RIMS2: variants seen among roughly 807,000 people sequenced by gnomAD.
The protein encoded by RIMS2 is regulating synaptic membrane exocytosis 2.
In RIMS2, 59 loss-of-function variants were observed where a neutral mutation model predicts 174.4. The observed-to-expected ratio is 0.34, with a 90% CI of 0.27 to 0.42. The LOEUF is 0.42. Ranked by LOEUF, RIMS2 falls within the 10% of genes least tolerant of loss-of-function variation. The pLI is 1.00. For synonymous variants in RIMS2, 606 were observed against 572.5 expected, an observed-to-expected ratio of 1.06 and a Z score of -0.84; for missense variants, 1,620 against 1,666.3, an observed-to-expected ratio of 0.97 and a Z score of 0.48.
chr8:104,036,674 C>T (rs960344895), intron 19 of RIMS2, among the ~76,000 whole-genome samples: 2 of 151,602 alleles, frequency 1.3e-5, no homozygotes, highest in African/African-American at 4.8e-5. Context: ...GTCAGGAGTT[C>T]GAGACCAGAC....
rs147394644 is a variant in RIMS2, at chr8:103,898,477, T to C, written c.1625-11657T>C. On this transcript the variant is annotated intron_variant, in intron 4 of 23. Transcript: ENST00000504942. The stretch of plus-strand genomic sequence containing the variant: ...TTAATTATTTAGGGAAGATGCAACA[T>C]CTGGCATGTTAACCTGAGATGGGGC... Among the ~76,000 whole-genome samples, 507 of 151,802 alleles carry C rather than the reference T, an allele frequency of 3.3e-3. 4 individuals are homozygous for C. In the Middle Eastern group the frequency reaches 0.099, roughly 30 times the overall value.
intron 19 of RIMS2, among the ~76,000 whole-genome samples, chr8:104,107,966 T>TTC (rs1555232622): frequency 9.1e-6 from 1 of 109,670 alleles, no homozygotes; most frequent in African/African-American, 3.3e-5. Flanking sequence ...GTCTTTCCCC[T>TTC]GCCCCCCCCC....
chr8:103,834,836 G>A (rs1275149005), intron 3 of RIMS2, among the ~76,000 whole-genome samples: 2 of 151,080 alleles, frequency 1.3e-5, no homozygotes, highest in Admixed American at 6.6e-5. Context: ...CTGCAGTGGC[G>A]CTGTCTCGGC....
intron 19 of RIMS2, among the ~76,000 whole-genome samples, chr8:104,104,003 G>C (rs958973721): frequency 1.3e-5 from 2 of 152,140 alleles, no homozygotes; most frequent in East Asian, 1.9e-4. Context: ...AAACCTACTA[G>C]AGTAAGAACC....
chr8:103,796,687 A>T (rs1253408662), intron 3 of RIMS2, among the ~76,000 whole-genome samples: 1 of 152,216 alleles, frequency 6.6e-6, no homozygotes, highest in Admixed American at 6.5e-5. Flanking sequence ...ACAAATATTT[A>T]TTGAGTATTG....
chr8:103,777,960 C>T (rs1032833857), intron 3 of RIMS2, among the ~76,000 whole-genome samples: 14 of 151,964 alleles, frequency 9.2e-5, no homozygotes, highest in South Asian at 4.2e-4. Flanking sequence ...GTAACAACTT[C>T]GGAACTCAAT....
At chr8:104,171,761 G>T (rs752093108) in intron 19 of RIMS2, among the ~76,000 whole-genome samples, 29 of 151,932 alleles carry the variant, frequency 1.9e-4, no homozygotes, top group Admixed American at 3.3e-4. Flanking sequence ...CATTCATTTG[G>T]GTAAACTATT....
intron 19 of RIMS2, chr8:104,223,571 C>A: frequency 5.5e-6 from 8 of 1,464,582 alleles, no homozygotes; most frequent in Non-Finnish European, 7.2e-6. Flanking sequence ...CCACTGGTCC[C>A]GGAACCGCTG....
At chr8:103,555,635 A>G (rs1278809938) in intron 1 of RIMS2, among the ~76,000 whole-genome samples, 1 of 152,092 alleles carries the variant, frequency 6.6e-6, no homozygotes, top group Admixed American at 6.6e-5. Flanking sequence ...CAACAGATGA[A>G]TAAAGAAAAA....
intron 3 of RIMS2, among the ~76,000 whole-genome samples, chr8:103,768,052 G>A (rs182683098): frequency 1.0e-3 from 152 of 152,312 alleles, no homozygotes; most frequent in African/African-American, 3.5e-3. Context: ...GCTATGTAGG[G>A]AATGGTGAAT....
chr8:103,539,624 C>T (rs1841576327), intron 1 of RIMS2, among the ~76,000 whole-genome samples: 1 of 152,214 alleles, frequency 6.6e-6, no homozygotes, highest in Non-Finnish European at 1.5e-5. Context: ...AGCATACAGG[C>T]ATTTTTTGCC....
intron 19 of RIMS2, among the ~76,000 whole-genome samples, chr8:104,203,337 G>A (rs999037569): frequency 4.5e-4 from 68 of 151,990 alleles, no homozygotes; most frequent in African/African-American, 1.6e-3. Flanking sequence ...TAGTTATGTC[G>A]TGTCTCATAA....
chr8:103,691,158 C>A (rs2097019188), intron 1 of RIMS2, among the ~76,000 whole-genome samples: 1 of 152,010 alleles, frequency 6.6e-6, no homozygotes, highest in African/African-American at 2.4e-5. Flanking sequence ...TTATTAAATG[C>A]CTTGAGGTAG....
intron 19 of RIMS2, among the ~76,000 whole-genome samples, chr8:104,158,683 G>A (rs1446204417): frequency 1.3e-5 from 2 of 152,134 alleles, no homozygotes; most frequent in African/African-American, 2.4e-5. Flanking sequence ...TCTGTTGGCT[G>A]CATAAATGTC....
intron 1 of RIMS2, among the ~76,000 whole-genome samples, chr8:103,638,676 C>G (rs2096149524): frequency 6.6e-6 from 1 of 151,876 alleles, no homozygotes; most frequent in South Asian, 2.1e-4. Context: ...ACAAGATAAT[C>G]TAGGTTAACT....
intron 2 of RIMS2, among the ~76,000 whole-genome samples, chr8:103,757,072 G>C (rs945707003): frequency 6.7e-6 from 1 of 149,790 alleles, no homozygotes; most frequent in Non-Finnish European, 1.5e-5. Flanking sequence ...GATTTACTTG[G>C]CTAGCATCTC....
chr8:104,253,089 G>A (rs908673288), downstream of RIMS2: 2 of 152,144 alleles, frequency 1.3e-5, no homozygotes, highest in Admixed American at 6.5e-5. Flanking sequence ...TGTATTTGAC[G>A]AAGAAGATAT....
intron 1 of RIMS2, among the ~76,000 whole-genome samples, chr8:103,660,156 G>C (rs2096580911): frequency 6.6e-6 from 1 of 152,154 alleles, no homozygotes; most frequent in South Asian, 2.1e-4. Flanking sequence ...GGATGTTGAG[G>C]AGCTGAGCCT....
At chr8:103,609,298 C>G (rs1038978515) in intron 1 of RIMS2, among the ~76,000 whole-genome samples, 1 of 152,146 alleles carries the variant, frequency 6.6e-6, no homozygotes, top group Non-Finnish European at 1.5e-5. Context: ...TTCTCCCATT[C>G]TGTAGGTTGT....
Sources: gnomAD v4.1 joint callset for allele counts (sites outside exome capture counted in the v4.1 genomes callset) on GRCh38, gnomAD v4.1.1 for gene constraint, MANE v1.5 for transcripts, NCBI Gene and HGNC (gene_info 2026-07-23, HGNC 2026-07-21) for gene names.